SMC2: variants seen among roughly 807,000 people sequenced by gnomAD.
SMC2 encodes structural maintenance of chromosomes protein 2.
Under a neutral mutation model 142.6 loss-of-function variants are expected in SMC2, and 41 were observed. That is an observed-to-expected ratio of 0.29 (90% CI 0.22 to 0.37). The LOEUF (loss-of-function observed/expected upper bound fraction) is 0.37. Among genes scored for constraint, SMC2 ranks in the 10% least tolerant of loss-of-function variants. SMC2 has a pLI of 1.00. For synonymous variants in SMC2, 463 were observed against 457.5 expected, an observed-to-expected ratio of 1.01 and a Z score of -0.15; for missense variants, 1,265 against 1,373.7, an observed-to-expected ratio of 0.92 and a Z score of 1.25.
At chr9:104,127,617 C>A in intron 20 of SMC2, 137 bp downstream of exon 20, 1 of 497,654 alleles carries the variant, frequency 2.0e-6, no homozygotes. Context: ...TTTGAGCTTG[C>A]AGCTTTAACT....
intron 13 of SMC2, 86 bp from the exon 14 acceptor site, chr9:104,116,114 C>G: frequency 1.7e-6 from 2 of 1,179,638 alleles, no homozygotes; most frequent in African/African-American, 1.6e-5. Context: ...ACTAAACATT[C>G]ATTTATTATA....
At position 104,140,237 on chromosome 9, in the gene SMC2, C is replaced by T. The variant is rs1405375343; in HGVS notation, c.*922C>T. 3 of 152,014 alleles carry T rather than the reference C, an allele frequency of 2.0e-5. No homozygotes were observed. The highest frequency in any genetic ancestry group is 4.8e-5 in the African/African-American group (2 of 41,396). The allele number at this position is 152,014 out of a possible 1,614,324, so 9.4% of individuals were successfully genotyped here. Reference sequence around the variant, plus strand: ...TATGTATAAATATAAATAACTCAATCCATCTGTTCCACCAAAATAACTCAA... The same window carrying T: ...TATGTATAAATATAAATAACTCAATTCATCTGTTCCACCAAAATAACTCAA... On this transcript the variant is annotated 3_prime_UTR_variant, in exon 25 of 25. Transcript: ENST00000374793.
rs1337044942 is a variant in SMC2, at chr9:104,098,449, G to A, written c.322G>A (p.Val108Ile). The change falls in exon 4 of 25, where the codon GTT becomes ATT. Residue 108 changes from valine to isoleucine, a missense_variant. Transcript: ENST00000374793. Reference protein sequence around the residue: ...HDEITVTRQVVIGGRNKYLIN... With the variant: ...HDEITVTRQVIIGGRNKYLIN... ...AAAAAATTGCTTTCTTTTATAGGTG[G>A]TTATTGGTGGTAGAAATAAATATTT... 7 of 1,585,288 alleles carry A rather than the reference G, an allele frequency of 4.4e-6. No individual in the cohort carries two copies. The highest frequency in any genetic ancestry group is 6.0e-6 in the Non-Finnish European group (7 of 1,170,128).
chr9:104,095,412 G>A lies in SMC2; in HGVS notation c.28G>A (p.Gly10Arg). Reference sequence around the variant, plus strand: ...GCATATTAAGTCAATTATTCTAGAGGGATTCAAGTCCTATGCTCAGAGGAC... The same window carrying A: ...GCATATTAAGTCAATTATTCTAGAGAGATTCAAGTCCTATGCTCAGAGGAC... MHIKSIILE[G>R]FKSYAQRTEV... The change falls in exon 2 of 25, where the codon GGA becomes AGA. Residue 10 changes from glycine to arginine, a missense_variant. By Grantham distance (125) the Gly-to-Arg change is moderately radical. Coordinates refer to ENST00000374793, the MANE Select transcript of SMC2 (RefSeq NM_006444.3). 6.2e-7 allele frequency: 1 copy of A among 1,613,458 alleles called. No individual in the cohort carries two copies. The highest frequency in any genetic ancestry group is 8.5e-7 in the Non-Finnish European group (1 of 1,179,974).
upstream of SMC2, among the ~76,000 whole-genome samples, chr9:104,091,412 T>G (rs561250529): frequency 2.6e-4 from 27 of 102,660 alleles, no homozygotes; most frequent in East Asian, 4.8e-3. Context: ...TTATCCATTA[T>G]AATCTTAAGG....
chr9:104,090,571 T>C (rs1829971574), upstream of SMC2, among the ~76,000 whole-genome samples: 1 of 152,154 alleles, frequency 6.6e-6, no homozygotes, highest in Admixed American at 6.5e-5. Flanking sequence ...GCAACAGATC[T>C]AAATATACAA....
intron 14 of SMC2, among the ~76,000 whole-genome samples, chr9:104,117,356 A>G (rs904405026): frequency 2.6e-5 from 4 of 152,216 alleles, no homozygotes; most frequent in Non-Finnish European, 5.9e-5. Flanking sequence ...CATGTGTTAC[A>G]TAGAGCTTCC....
At chr9:104,128,932 A>G (rs968720442) in intron 20 of SMC2, among the ~76,000 whole-genome samples, 1 of 152,192 alleles carries the variant, frequency 6.6e-6, no homozygotes, top group South Asian at 2.1e-4. Flanking sequence ...ATTTTTACCA[A>G]ATCTATGACT....
chr9:104,137,965 T>A (rs1835735819), intron 23 of SMC2, 53 bp from the exon 24 acceptor site: 1 of 1,380,098 alleles, frequency 7.2e-7, no homozygotes, highest in East Asian at 2.4e-5. Context: ...CTTCAGTGTT[T>A]TGATAAGTGA....
intron 9 of SMC2, among the ~76,000 whole-genome samples, chr9:104,108,112 C>G (rs1050255397): frequency 6.6e-6 from 1 of 152,182 alleles, no homozygotes; most frequent in African/African-American, 2.4e-5. Flanking sequence ...ATCCTACTCA[C>G]AGCAGATAAG....
intron 3 of SMC2, among the ~76,000 whole-genome samples, chr9:104,097,062 C>G (rs1359447310): frequency 6.9e-6 from 1 of 144,290 alleles, no homozygotes; most frequent in Admixed American, 6.9e-5. Context: ...TGAAACCACT[C>G]AATTTTTTTT....
At chr9:104,128,037 G>A (rs1053582671) in intron 20 of SMC2, among the ~76,000 whole-genome samples, 2 of 152,178 alleles carry the variant, frequency 1.3e-5, no homozygotes, top group Non-Finnish European at 2.9e-5. Context: ...GTGCTTTAAA[G>A]ATAACACGTG....
upstream of SMC2, among the ~76,000 whole-genome samples, chr9:104,089,474 A>T (rs538376070): frequency 1.3e-5 from 2 of 152,278 alleles, no homozygotes; most frequent in African/African-American, 4.8e-5. Flanking sequence ...ATAATATTTG[A>T]GGAAGAGAAG....
At chr9:104,134,764 A>C (rs1259517137) in intron 23 of SMC2, among the ~76,000 whole-genome samples, 189 bp downstream of exon 23, 2 of 152,160 alleles carry the variant, frequency 1.3e-5, no homozygotes, top group African/African-American at 4.8e-5. Flanking sequence ...AAGCAAATAG[A>C]AAATTAGACA....
chr9:104,121,742 TAGTC>T (rs1262499831), intron 16 of SMC2, among the ~76,000 whole-genome samples: 5 of 151,758 alleles, frequency 3.3e-5, no homozygotes, highest in East Asian at 3.9e-4. Flanking sequence ...AAGATTTTCA[TAGTC>T]AGGATGGCCA....
chr9:104,107,846 T>A (rs77932884), intron 9 of SMC2, among the ~76,000 whole-genome samples: 8,588 of 152,262 alleles, frequency 0.056, 648 homozygotes, highest in African/African-American at 0.18. Flanking sequence ...GAAAGTAGCG[T>A]CTTATTCTCC....
chr9:104,103,151 C>T (rs1831353222), intron 9 of SMC2, among the ~76,000 whole-genome samples: 1 of 151,974 alleles, frequency 6.6e-6, no homozygotes, highest in African/African-American at 2.4e-5. Context: ...CCCTGGGATA[C>T]TTTCAACGTT....
At chr9:104,119,608 T>A (rs75274166) in intron 15 of SMC2, among the ~76,000 whole-genome samples, 8,603 of 152,138 alleles carry the variant, frequency 0.057, 641 homozygotes, top group African/African-American at 0.18. Context: ...TGTGAAGGAG[T>A]AGTCGTCTCT....
upstream of SMC2, among the ~76,000 whole-genome samples, chr9:104,093,797 C>A (rs1830156419): frequency 7.3e-6 from 1 of 137,868 alleles, no homozygotes; most frequent in African/African-American, 2.7e-5. Flanking sequence ...CAGAGTCCCC[C>A]GAAGGACGGT....
Sources: gnomAD v4.1 joint callset for allele counts (sites outside exome capture counted in the v4.1 genomes callset) on GRCh38, gnomAD v4.1.1 for gene constraint, MANE v1.5 for transcripts, NCBI Gene and HGNC (gene_info 2026-07-23, HGNC 2026-07-21) for gene names.